The following CCSER1 variants were observed in gnomAD, a reference collection of about 807,000 sequenced individuals.
The protein encoded by CCSER1 is serine-rich coiled-coil domain-containing protein 1.
A neutral mutation model predicts 82.0 loss-of-function variants in CCSER1; 41 were observed. That is an observed-to-expected ratio of 0.50 (90% CI 0.39 to 0.65). The LOEUF (loss-of-function observed/expected upper bound fraction) is 0.65, where lower values mean the gene tolerates loss of function less well. Among genes scored for constraint, CCSER1 ranks in the 30% least tolerant of loss-of-function variants. The pLI is 0.00. For missense variants in CCSER1, 1,119 were observed against 1,064.2 expected (o/e 1.05, Z -0.72); for synonymous variants, 414 against 383.9 (o/e 1.08, Z -0.92).
chr4:90,513,299 G>A, intron 5 of CCSER1, among the ~76,000 whole-genome samples: 1 of 152,162 alleles, frequency 6.6e-6, no homozygotes. Context: ...TGGAATTTAT[G>A]CTGTGCAAAG....
chr4:91,187,800 G>T (rs540955766), intron 10 of CCSER1, among the ~76,000 whole-genome samples: 2 of 152,162 alleles, frequency 1.3e-5, no homozygotes, highest in East Asian at 1.9e-4. Flanking sequence ...TGATGCACCC[G>T]CCTTGGCCTC....
intron 1 of CCSER1, among the ~76,000 whole-genome samples, chr4:90,143,549 A>G (rs893356317): frequency 4.0e-5 from 6 of 151,564 alleles, no homozygotes; most frequent in African/African-American, 1.5e-4. Flanking sequence ...ATACCATTAT[A>G]GAATACATCA....
At chr4:90,793,112 C>A (rs1755497786) in intron 7 of CCSER1, among the ~76,000 whole-genome samples, 1 of 152,090 alleles carries the variant, frequency 6.6e-6, no homozygotes, top group African/African-American at 2.4e-5. Flanking sequence ...CTTTGAATAC[C>A]TTTTTTCTAC....
rs141943601 is a variant in CCSER1, at chr4:90,641,297, G to T, written c.1932+13065G>T. 2.6e-5 allele frequency among the ~76,000 whole-genome samples: 4 copies of T among 152,128 alleles called. No individual in the cohort carries two copies. The East Asian group carries it at 7.7e-4, about 29-fold the overall frequency. On this transcript the variant is annotated intron_variant, in intron 6 of 10. Coordinates refer to ENST00000509176, the MANE Select transcript of CCSER1 (RefSeq NM_001145065.2). ...TTGTTAAGTAATAGATATGTATATAGTAAGACCATAAGAAAAAAGATTTAA... is the reference window on the plus strand; with the variant it reads ...TTGTTAAGTAATAGATATGTATATATTAAGACCATAAGAAAAAAGATTTAA...
chr4:90,276,186 TTTTCTTTC>T lies in CCSER1; in HGVS notation c.-41-31997_-41-31990del, dbSNP rs1158531206. 3.3e-3 allele frequency among the ~76,000 whole-genome samples: 374 copies of T among 113,308 alleles called. 13 individuals are homozygous for T. Among genetic ancestry groups the T allele is most frequent in the Admixed American group, 4.8e-3 (54 of 11,162 alleles). The allele number at this position is 113,308 out of a possible 152,430, so 74.3% of individuals were successfully genotyped here. A position where few individuals can be genotyped will look rare whatever the true frequency, so the allele number is the denominator to read the frequency against. ...TCTAGCAGGAAAGACTTGAACACTGTTTTCTTTCTTTCTTTCTTTCTTTCTTTCTTTCT... is the reference window on the plus strand; with the variant it reads ...TCTAGCAGGAAAGACTTGAACACTGTTTTCTTTCTTTCTTTCTTTCTTTCT... On this transcript the variant is annotated intron_variant, in intron 1 of 10. Transcript: ENST00000509176.
chr4:90,546,811 T>C (rs966937385), intron 5 of CCSER1, among the ~76,000 whole-genome samples: 1 of 152,096 alleles, frequency 6.6e-6, no homozygotes, highest in East Asian at 1.9e-4. Flanking sequence ...ACACAAAACA[T>C]GTATATATAA....
chr4:90,227,035 T>A (rs1045951318), intron 1 of CCSER1, among the ~76,000 whole-genome samples: 2 of 152,226 alleles, frequency 1.3e-5, no homozygotes, highest in Non-Finnish European at 2.9e-5. Context: ...ACCCTCTTTT[T>A]TCCCCCCACA....
intron 10 of CCSER1, among the ~76,000 whole-genome samples, chr4:91,469,548 G>A (rs1757147314): frequency 1.3e-5 from 2 of 152,052 alleles, no homozygotes; most frequent in South Asian, 4.2e-4. Flanking sequence ...GAATGTCTCA[G>A]TTTGCTTAAA....
At chr4:91,339,017 T>C (rs2149285309) in intron 10 of CCSER1, among the ~76,000 whole-genome samples, 1 of 152,332 alleles carries the variant, frequency 6.6e-6, no homozygotes, top group African/African-American at 2.4e-5. Flanking sequence ...TATCAAGTAA[T>C]GAGTTTTAAA....
chr4:91,294,983 A>G (rs1222332756), intron 10 of CCSER1, among the ~76,000 whole-genome samples: 20 of 151,984 alleles, frequency 1.3e-4, no homozygotes, highest in South Asian at 1.0e-3. Flanking sequence ...CTCCAACTCA[A>G]TAACAACAAA....
intron 6 of CCSER1, among the ~76,000 whole-genome samples, chr4:90,723,079 C>T (rs1742961817): frequency 6.6e-6 from 1 of 151,842 alleles, no homozygotes; most frequent in African/African-American, 2.4e-5. Flanking sequence ...ATATTCTTTT[C>T]AATGTTTTCT....
chr4:90,545,881 C>T (rs1473320115), intron 5 of CCSER1, among the ~76,000 whole-genome samples: 1 of 152,004 alleles, frequency 6.6e-6, no homozygotes. Context: ...CAATATTTTC[C>T]TCTAGGGAAA....
At chr4:91,325,122 T>TA (rs1215598065) in intron 10 of CCSER1, 1 of 455,136 alleles carries the variant, frequency 2.2e-6, no homozygotes, top group African/African-American at 2.0e-5. Flanking sequence ...ACCTTATTTC[T>TA]AATTCCACAG....
chr4:91,503,002 T>TA (rs200188126), intron 10 of CCSER1, among the ~76,000 whole-genome samples: 15,999 of 152,062 alleles, frequency 0.11, 1,029 homozygotes, highest in Middle Eastern at 0.2. Flanking sequence ...TGAATTCCAC[T>TA]AAAAAAAATT....
chr4:90,202,550 C>T (rs1737964959), intron 1 of CCSER1, among the ~76,000 whole-genome samples: 1 of 152,202 alleles, frequency 6.6e-6, no homozygotes, highest in African/African-American at 2.4e-5. Flanking sequence ...CCCAAACTGG[C>T]TGGACTAAGG....
chr4:91,315,533 T>G (rs1745773224), intron 10 of CCSER1, among the ~76,000 whole-genome samples: 1 of 151,992 alleles, frequency 6.6e-6, no homozygotes, highest in South Asian at 2.1e-4. Flanking sequence ...ACTGAGTATT[T>G]TCTATAGGCA....
chr4:91,141,109 G>A (rs1728980957), intron 10 of CCSER1, among the ~76,000 whole-genome samples: 1 of 151,054 alleles, frequency 6.6e-6, no homozygotes, highest in Admixed American at 6.6e-5. Flanking sequence ...TAGGATAATG[G>A]CCTCCAGCTC....
chr4:91,377,337 A>C (rs1750502220), intron 10 of CCSER1, among the ~76,000 whole-genome samples: 1 of 152,130 alleles, frequency 6.6e-6, no homozygotes, highest in South Asian at 2.1e-4. Flanking sequence ...TGTCTTCCAC[A>C]ATGGTTGAAC....
chr4:91,238,188 T>C (rs1464410297), intron 10 of CCSER1, among the ~76,000 whole-genome samples: 1 of 152,046 alleles, frequency 6.6e-6, no homozygotes, highest in African/African-American at 2.4e-5. Context: ...TCTGGGTGGA[T>C]CTTACCCAAT....
Sources: allele counts gnomAD v4.1 joint callset (sites outside exome capture counted in the v4.1 genomes callset), GRCh38; gene constraint gnomAD v4.1.1; transcripts MANE v1.5; gene names NCBI Gene and HGNC (gene_info 2026-07-23, HGNC 2026-07-21).